ZNF2: variants seen among roughly 807,000 people sequenced by gnomAD.
ZNF2 encodes the protein zinc finger protein 2, also known as zinc finger protein 2.2.
Under a neutral mutation model 21.9 loss-of-function variants are expected in ZNF2, and 12 were observed. The ratio of observed to expected loss-of-function variants is 0.55; its 90% CI spans 0.35 to 0.89. ZNF2 has a LOEUF of 0.89. ZNF2 is among the 40% of genes least tolerant of loss of function. The probability of loss-of-function intolerance (pLI) is 0.01; values close to 1 mark genes in which losing one functional copy is unlikely to be tolerated. For missense variants in ZNF2, 462 were observed against 544.2 expected (o/e 0.85, Z 1.50); for synonymous variants, 186 against 196.3 (o/e 0.95, Z 0.44).
intron 1 of ZNF2, among the ~76,000 whole-genome samples, chr2:95,168,611 T>C (rs1370622882): frequency 6.6e-6 from 1 of 152,146 alleles, no homozygotes; most frequent in Non-Finnish European, 1.5e-5. Context: ...ATTCATCAAA[T>C]AGTGGGATGA....
chr2:95,172,827 GGA>G (rs1371388093), intron 1 of ZNF2, among the ~76,000 whole-genome samples: 1 of 151,754 alleles, frequency 6.6e-6, no homozygotes, highest in Non-Finnish European at 1.5e-5. Flanking sequence ...AGTAGAGACG[GGA>G]TTTCACCATG....
chr2:95,171,214 G>A (rs1367716442), intron 1 of ZNF2, among the ~76,000 whole-genome samples: 1 of 151,998 alleles, frequency 6.6e-6, no homozygotes, highest in Non-Finnish European at 1.5e-5. Flanking sequence ...CTCAAATTCT[G>A]AATGTCCAAA....
At chr2:95,180,970 C>T (rs559520843) in intron 4 of ZNF2, 133 bp from the exon 5 acceptor site, 1 of 1,088,616 alleles carries the variant, frequency 9.2e-7, no homozygotes, top group East Asian at 2.4e-5. Flanking sequence ...TCCCTCCCTG[C>T]CGTGTAAGAC....
intron 1 of ZNF2, among the ~76,000 whole-genome samples, chr2:95,168,088 T>A (rs1277025605): frequency 6.6e-6 from 1 of 150,872 alleles, no homozygotes; most frequent in Non-Finnish European, 1.5e-5. Context: ...TTGAAGATGT[T>A]GAAAGAAAGT....
At position 95,182,849 on chromosome 2, in the gene ZNF2, T is replaced by C. The variant is rs1178524092; in HGVS notation, c.*743T>C. 1 of 152,334 alleles carries C rather than the reference T, an allele frequency of 6.6e-6. No homozygotes were observed. 9.4% of individuals were successfully genotyped at this position (152,334 alleles called of 1,614,324 possible). A position where few individuals can be genotyped will look rare whatever the true frequency, so the allele number is the denominator to read the frequency against. On this transcript the variant is annotated 3_prime_UTR_variant, in exon 5 of 5. Coordinates refer to ENST00000614034, the MANE Select transcript of ZNF2 (RefSeq NM_021088.4). ...GCTCGATGGTTTGTTTGTTTTATAATTTATGTATATGTATTATCCTCTCAA... is the reference window on the plus strand; with the variant it reads ...GCTCGATGGTTTGTTTGTTTTATAACTTATGTATATGTATTATCCTCTCAA...
intron 1 of ZNF2, among the ~76,000 whole-genome samples, chr2:95,168,859 G>A (rs1386599333): frequency 2.0e-5 from 3 of 152,166 alleles, no homozygotes; most frequent in Non-Finnish European, 4.4e-5. Flanking sequence ...GGAATCTTTG[G>A]TGTGGTAGAA....
At chr2:95,169,917 A>G (rs932902740) in intron 1 of ZNF2, among the ~76,000 whole-genome samples, 1 of 152,210 alleles carries the variant, frequency 6.6e-6, no homozygotes, top group Admixed American at 6.5e-5. Context: ...AAGCATCAAG[A>G]TAACTGCAAG....
At chr2:95,175,812 T>C (rs1465678815) in intron 1 of ZNF2, among the ~76,000 whole-genome samples, 2 of 152,250 alleles carry the variant, frequency 1.3e-5, no homozygotes, top group Admixed American at 6.5e-5. Flanking sequence ...TTGTCTTTGA[T>C]ATGTCTTGTC....
In ZNF2 at chr2:95,181,220, A is replaced by G. The variant is rs754930900; in HGVS notation, c.392A>G (p.Asn131Ser). ...CCTAAATTTGAAGTTCATACACCCA[A>G]TGGCAGGATGGGAACAGAAAAGCAA... Reference protein sequence around the residue: ...LCPKFEVHTPNGRMGTEKQSP... With the variant: ...LCPKFEVHTPSGRMGTEKQSP... Residue 131 changes from asparagine to serine, a missense_variant, in exon 5 of 5, where the codon AAT becomes AGT. Coordinates refer to ENST00000614034, the MANE Select transcript of ZNF2 (RefSeq NM_021088.4). The G allele has an allele frequency of 1.2e-5, 19 of 1,614,176 alleles. No individual in the cohort carries two copies. The highest frequency in any genetic ancestry group is 1.6e-4 in the Middle Eastern group (1 of 6,062).
rs1026728717 is a variant in ZNF2 at position 95,165,812 on chromosome 2, G to A, written c.-88G>A. 2 of 152,360 alleles carry A rather than the reference G, an allele frequency of 1.3e-5. No individual in the cohort carries two copies. The highest frequency in any genetic ancestry group is 4.8e-5 in the African/African-American group (2 of 41,482). 9.4% of individuals were successfully genotyped at this position (152,360 alleles called of 1,614,324 possible). ...CTGTGCGCAGGCGCGTTGGTTTCCCGACCTGAAGAGGCGCCGTCTTCCCGG... is the reference window on the plus strand; with the variant it reads ...CTGTGCGCAGGCGCGTTGGTTTCCCAACCTGAAGAGGCGCCGTCTTCCCGG... On this transcript the variant is annotated 5_prime_UTR_variant, in exon 1 of 5. Transcript: ENST00000614034.
In ZNF2 at chr2:95,176,196, C is replaced by T. The variant is rs200750399; in HGVS notation, c.-31C>T. 21 of 1,613,978 alleles carry T rather than the reference C, an allele frequency of 1.3e-5. No homozygotes were observed. The highest frequency in any genetic ancestry group is 5.0e-5 in the Admixed American group (3 of 59,994). Reference sequence around the variant, plus strand: ...CACTTCTGCCTCATTAGGACTCTGCCCTTGTCCACAAGGAGAGCACACAGG... The same window carrying T: ...CACTTCTGCCTCATTAGGACTCTGCTCTTGTCCACAAGGAGAGCACACAGG... On this transcript the variant is annotated 5_prime_UTR_variant, in exon 2 of 5. Coordinates refer to ENST00000614034, the MANE Select transcript of ZNF2 (RefSeq NM_021088.4).
intron 1 of ZNF2, 132 bp from the exon 2 acceptor site, chr2:95,176,055 TA>T: frequency 1.2e-6 from 1 of 830,152 alleles, no homozygotes; most frequent in South Asian, 1.4e-5. Flanking sequence ...GGCTTTGCTT[TA>T]CTTAGACCCC....
rs768417271 is a variant in ZNF2 at position 95,176,260 on chromosome 2, G to A, written c.33+1G>A. 2.5e-6 allele frequency: 4 copies of A among 1,614,044 alleles called. No individual in the cohort carries two copies. Among genetic ancestry groups the A allele is most frequent in the Non-Finnish European group, 1.7e-6 (2 of 1,180,036 alleles). On this transcript the variant is annotated splice_donor_variant, in intron 2 of 4. Transcript: ENST00000614034. LOFTEE classifies it high-confidence loss of function. ...TGTGTCTCCGACCACCAGATGCCAG[G>A]TGAGGTGGACTTTTGTGTTCCCGAA...
intron 2 of ZNF2, 115 bp from the exon 3 acceptor site, chr2:95,177,368 C>A: frequency 1.6e-6 from 2 of 1,252,050 alleles, no homozygotes; most frequent in East Asian, 2.4e-5. Flanking sequence ...TCAGTCAGAA[C>A]TGTTTTTCTT....
chr2:95,177,735 C>A, intron 3 of ZNF2, 126 bp downstream of exon 3: 1 of 1,259,606 alleles, frequency 7.9e-7, no homozygotes, highest in Admixed American at 2.5e-5. Context: ...AAGTAAGAGT[C>A]GAAAGATGTG....
chr2:95,166,966 A>T (rs570891486), intron 1 of ZNF2, among the ~76,000 whole-genome samples: 71 of 152,318 alleles, frequency 4.7e-4, no homozygotes, highest in Non-Finnish European at 9.9e-4. Context: ...GGACATGGAC[A>T]TCTGTAGAGT....
chr2:95,181,084 T>A lies in ZNF2; in HGVS notation c.275-19T>A. On this transcript the variant is annotated intron_variant, in intron 4 of 4. Transcript: ENST00000614034. ...CCTAGCCCAGGAAAAAAACTGCATC[T>A]GTTTTCTGTTTGTTCCAGACTGGGA... 2 of 1,601,234 alleles carry A rather than the reference T, an allele frequency of 1.2e-6. No individual in the cohort carries two copies. Among genetic ancestry groups the A allele is most frequent in the Non-Finnish European group, 1.7e-6 (2 of 1,174,540 alleles).
chr2:95,177,790 T>C (rs1292254598), intron 3 of ZNF2, among the ~76,000 whole-genome samples, 181 bp downstream of exon 3: 1 of 152,148 alleles, frequency 6.6e-6, no homozygotes, highest in Non-Finnish European at 1.5e-5. Flanking sequence ...AACCCCAGCA[T>C]TGGGCAGACA....
chr2:95,172,893 T>A (rs1182328059), intron 1 of ZNF2, among the ~76,000 whole-genome samples: 1 of 151,936 alleles, frequency 6.6e-6, no homozygotes, highest in Non-Finnish European at 1.5e-5. Flanking sequence ...CGCCTCGGTC[T>A]CCCAAAGTGC....
Sources: allele counts gnomAD v4.1 joint callset (sites outside exome capture counted in the v4.1 genomes callset), GRCh38; gene constraint gnomAD v4.1.1; transcripts MANE v1.5; gene names NCBI Gene and HGNC (gene_info 2026-07-23, HGNC 2026-07-21).